FOXP2: variants seen among roughly 807,000 people sequenced by gnomAD.
The protein encoded by FOXP2 is forkhead box P2, also known as forkhead box protein P2.
In FOXP2, 12 loss-of-function variants were observed where a neutral mutation model predicts 115.8. The ratio of observed to expected loss-of-function variants is 0.10; its 90% CI spans 0.07 to 0.17. The LOEUF (loss-of-function observed/expected upper bound fraction) is 0.17, where lower values mean the gene tolerates loss of function less well. Among genes scored for constraint, FOXP2 ranks in the 10% least tolerant of loss-of-function variants. The probability of loss-of-function intolerance (pLI) is 1.00; values close to 1 mark genes in which losing one functional copy is unlikely to be tolerated. For synonymous variants in FOXP2, 328 were observed against 297.7 expected (o/e 1.10, Z -1.05); for missense variants, 629 against 843.5 (o/e 0.75, Z 3.15).
At chr7:114,230,975 T>TACACACAC (rs3086371) in intron 1 of FOXP2, among the ~76,000 whole-genome samples, 1 of 147,036 alleles carries the variant, frequency 6.8e-6, no homozygotes, top group Non-Finnish European at 1.5e-5. Context: ...CCCTAAAGAT[T>TACACACAC]ACACACACAC....
At chr7:114,427,698 A>G (rs1212892586) in intron 2 of FOXP2, among the ~76,000 whole-genome samples, 1 of 151,634 alleles carries the variant, frequency 6.6e-6, no homozygotes, top group Non-Finnish European at 1.5e-5. Context: ...GTAGTATATA[A>G]TGAGAAAAAT....
At chr7:114,429,661 A>G (rs1794018410) in intron 2 of FOXP2, among the ~76,000 whole-genome samples, 1 of 151,586 alleles carries the variant, frequency 6.6e-6, no homozygotes, top group Non-Finnish European at 1.5e-5. Context: ...TTGAGCATTC[A>G]TTAAGTCAGA....
intron 2 of FOXP2, among the ~76,000 whole-genome samples, chr7:114,387,291 T>C (rs958770547): frequency 6.6e-6 from 1 of 152,218 alleles, no homozygotes; most frequent in Non-Finnish European, 1.5e-5. Flanking sequence ...AAAATTCTCA[T>C]TGGAGTATTA....
At chr7:114,282,626 A>C (rs894236673) in intron 1 of FOXP2, among the ~76,000 whole-genome samples, 2 of 152,146 alleles carry the variant, frequency 1.3e-5, no homozygotes, top group Non-Finnish European at 2.9e-5. Flanking sequence ...TTGTGTGACT[A>C]CTATGTGCCA....
At chr7:114,408,245 TTTAAAA>T (rs1793080349) in intron 2 of FOXP2, among the ~76,000 whole-genome samples, 1 of 152,160 alleles carries the variant, frequency 6.6e-6, no homozygotes, top group South Asian at 2.1e-4. Flanking sequence ...GCTACCACAG[TTTAAAA>T]TTAAAACTTT....
chr7:114,119,557 A>T (rs541860303), intron 1 of FOXP2, among the ~76,000 whole-genome samples: 2 of 152,004 alleles, frequency 1.3e-5, no homozygotes, highest in Admixed American at 1.3e-4. Context: ...CCTAAAAAAA[A>T]TTAAAAATTT....
intron 3 of FOXP2, among the ~76,000 whole-genome samples, chr7:114,598,089 T>G (rs1264514088): frequency 1.3e-5 from 2 of 152,124 alleles, no homozygotes; most frequent in Non-Finnish European, 2.9e-5. Flanking sequence ...AGAATAAATT[T>G]TTGCCTTCTA....
chr7:114,129,046 T>A (rs371055474), intron 1 of FOXP2, among the ~76,000 whole-genome samples: 5 of 152,162 alleles, frequency 3.3e-5, no homozygotes, highest in African/African-American at 1.2e-4. Flanking sequence ...CTTGGTTATG[T>A]TGGTGATACT....
intron 16 of FOXP2, among the ~76,000 whole-genome samples, chr7:114,680,602 T>C (rs1472184448): frequency 6.6e-6 from 1 of 152,012 alleles, no homozygotes; most frequent in Non-Finnish European, 1.5e-5. Flanking sequence ...CTATACCCCT[T>C]ACACTCCTGC....
intron 1 of FOXP2, among the ~76,000 whole-genome samples, chr7:114,105,808 C>A (rs971155597): frequency 1.3e-5 from 2 of 151,984 alleles, no homozygotes; most frequent in Admixed American, 6.6e-5. Context: ...AAGAAAATAA[C>A]AGAAATTATT....
intron 1 of FOXP2, among the ~76,000 whole-genome samples, chr7:114,155,018 A>G (rs1244623535): frequency 6.6e-6 from 1 of 152,148 alleles, no homozygotes; most frequent in African/African-American, 2.4e-5. Context: ...TTTTCCCTAA[A>G]ATAACTCATG....
intron 2 of FOXP2, among the ~76,000 whole-genome samples, chr7:114,484,050 T>C (rs1295277370): frequency 2.0e-5 from 3 of 151,786 alleles, no homozygotes; most frequent in Non-Finnish European, 4.4e-5. Context: ...CTTAATGTTA[T>C]ATGAAGTCAG....
intron 16 of FOXP2, among the ~76,000 whole-genome samples, chr7:114,685,821 A>G (rs1235554080): frequency 1.3e-5 from 2 of 152,172 alleles, no homozygotes; most frequent in Non-Finnish European, 2.9e-5. Context: ...CTGGAATCTC[A>G]TTTACAACTA....
At chr7:114,212,048 G>A (rs1383311242) in intron 1 of FOXP2, among the ~76,000 whole-genome samples, 2 of 149,504 alleles carry the variant, frequency 1.3e-5, no homozygotes, top group African/African-American at 2.5e-5. Context: ...CAGCCTGGGC[G>A]ACTGGAGCGA....
chr7:114,227,794 A>T (rs1794778199), intron 1 of FOXP2, among the ~76,000 whole-genome samples: 1 of 152,040 alleles, frequency 6.6e-6, no homozygotes, highest in African/African-American at 2.4e-5. Flanking sequence ...TAAACTAGAC[A>T]TGAAGCAGCG....
intron 2 of FOXP2, among the ~76,000 whole-genome samples, chr7:114,390,777 T>G (rs1281524749): frequency 6.6e-6 from 1 of 152,034 alleles, no homozygotes; most frequent in Non-Finnish European, 1.5e-5. Context: ...AGGCTGGTCT[T>G]CAACTCCTGG....
At chr7:114,275,200 T>C (rs1796160110) in intron 1 of FOXP2, among the ~76,000 whole-genome samples, 1 of 152,116 alleles carries the variant, frequency 6.6e-6, no homozygotes, top group African/African-American at 2.4e-5. Context: ...GGTTAGTGTT[T>C]GACAATATTT....
At chr7:114,465,326 T>G (rs1360248929) in intron 2 of FOXP2, among the ~76,000 whole-genome samples, 1 of 152,134 alleles carries the variant, frequency 6.6e-6, no homozygotes, top group African/African-American at 2.4e-5. Flanking sequence ...GAGACACTAC[T>G]CCCATTCTAC....
At chr7:114,284,692 C>G (rs545870080) in intron 1 of FOXP2, among the ~76,000 whole-genome samples, 1 of 152,116 alleles carries the variant, frequency 6.6e-6, no homozygotes, top group Non-Finnish European at 1.5e-5. Flanking sequence ...TTCAACACAG[C>G]AATCCTGTTA....
Sources: gnomAD v4.1 joint callset for allele counts (sites outside exome capture counted in the v4.1 genomes callset) on GRCh38, gnomAD v4.1.1 for gene constraint, MANE v1.5 for transcripts, NCBI Gene and HGNC (gene_info 2026-07-23, HGNC 2026-07-21) for gene names.